VRK1: variants seen among roughly 807,000 people sequenced by gnomAD.
VRK1 encodes the protein VRK serine/threonine kinase 1.
Under a neutral mutation model 57.1 loss-of-function variants are expected in VRK1, and 33 were observed. That is an observed-to-expected ratio of 0.58 (90% CI 0.44 to 0.77). VRK1 has a LOEUF of 0.77. Among genes scored for constraint, VRK1 ranks in the 30% least tolerant of loss-of-function variants. VRK1 has a pLI of 0.00. For synonymous variants in VRK1, 137 were observed against 147.8 expected (o/e 0.93, Z 0.53); for missense variants, 413 against 477.3 (o/e 0.87, Z 1.25).
At chr14:96,846,061 T>C in intron 3 of VRK1, 34 bp from the exon 4 acceptor site, 1 of 1,557,250 alleles carries the variant, frequency 6.4e-7, no homozygotes, top group Non-Finnish European at 8.9e-7. Flanking sequence ...TAATTTTAAC[T>C]ACTGCTAGTA....
At chr14:96,838,842 C>T (rs1887331813) in intron 3 of VRK1, among the ~76,000 whole-genome samples, 1 of 152,106 alleles carries the variant, frequency 6.6e-6, no homozygotes, top group Non-Finnish European at 1.5e-5. Context: ...AGTTAGGAGT[C>T]AGCTTTTTTG....
At chr14:96,879,559 C>T (rs1889170594) in intron 12 of VRK1, among the ~76,000 whole-genome samples, 1 of 152,036 alleles carries the variant, frequency 6.6e-6, no homozygotes, top group Non-Finnish European at 1.5e-5. Flanking sequence ...GATTATTGAC[C>T]TTGATTTTGT....
chr14:96,849,937 T>C (rs1887883873), intron 5 of VRK1, among the ~76,000 whole-genome samples: 1 of 152,198 alleles, frequency 6.6e-6, no homozygotes, highest in Non-Finnish European at 1.5e-5. Flanking sequence ...AGGTTGACTC[T>C]GTAAGCTGAC....
chr14:96,879,585 A>G (rs1889171084), intron 12 of VRK1, among the ~76,000 whole-genome samples: 1 of 152,178 alleles, frequency 6.6e-6, no homozygotes, highest in Non-Finnish European at 1.5e-5. Context: ...CCTTTATGCC[A>G]GTCTCACTAT....
chr14:96,814,498 A>G (rs879390017), intron 1 of VRK1, among the ~76,000 whole-genome samples: 2 of 152,182 alleles, frequency 1.3e-5, no homozygotes, highest in Admixed American at 1.3e-4. Flanking sequence ...CTTAAAAAAT[A>G]CCTCAATTGA....
intron 1 of VRK1, among the ~76,000 whole-genome samples, chr14:96,815,003 C>T (rs747158548): frequency 4.0e-4 from 61 of 152,262 alleles, no homozygotes; most frequent in Admixed American, 2.0e-3. Flanking sequence ...GTATATTTGA[C>T]AGTACGTGAG....
At chr14:96,819,168 TC>T (rs1163157227) in intron 1 of VRK1, among the ~76,000 whole-genome samples, 1 of 152,210 alleles carries the variant, frequency 6.6e-6, no homozygotes, top group Non-Finnish European at 1.5e-5. Flanking sequence ...TACTTCTTAA[TC>T]CCAAATAAGT....
At position 96,881,480 on chromosome 14, in the gene VRK1, AATT is replaced by A; in HGVS notation, c.*278_*280del. 3.0e-6 allele frequency: 1 copy of A among 334,616 alleles called. No homozygotes were observed. Among genetic ancestry groups the A allele is most frequent in the Admixed American group, 4.4e-5 (1 of 22,708 alleles). 20.7% of individuals were successfully genotyped at this position (334,616 alleles called of 1,614,324 possible). ...ATGTTTTGGAGTACATATATATGAA[AATT>A]ATTATGACACGCACTTTTCTAATCA... is the stretch of plus-strand genomic sequence containing the variant. On this transcript the variant is annotated 3_prime_UTR_variant, in exon 13 of 13. Transcript: ENST00000216639.
At chr14:96,802,358 A>C (rs1312064961) in intron 1 of VRK1, among the ~76,000 whole-genome samples, 1 of 152,206 alleles carries the variant, frequency 6.6e-6, no homozygotes, top group Admixed American at 6.5e-5. Context: ...AACAACTCAC[A>C]TGTCCTTCAG....
At position 96,807,978 on chromosome 14, in the gene VRK1, T is replaced by TCTCTCTCC. The variant is rs200176789; in HGVS notation, c.-6+10555_-6+10562dup. ...CTGTCTCTCCCTCCCTCTCTCTCTGTCTCTCTCCCTCTCTCCCTCTCTCCC... is the reference window on the plus strand; with the variant it reads ...CTGTCTCTCCCTCCCTCTCTCTCTGTCTCTCTCCCTCTCTCCCTCTCTCCCTCTCTCCC... On this transcript the variant is annotated intron_variant, in intron 1 of 12. Transcript: ENST00000216639. 3.6e-4 allele frequency among the ~76,000 whole-genome samples: 28 copies of TCTCTCTCC among 77,942 alleles called. 1 individual carries two copies. The South Asian group carries it at 0.01, about 28-fold the overall frequency. The allele number at this position is 77,942 out of a possible 152,430, so 51.1% of individuals were successfully genotyped here.
chr14:96,805,113 T>C (rs539228573), intron 1 of VRK1, among the ~76,000 whole-genome samples: 1 of 152,298 alleles, frequency 6.6e-6, no homozygotes, highest in Non-Finnish European at 1.5e-5. Context: ...TCAGATTTAT[T>C]TATCATGGCA....
At position 96,881,330 on chromosome 14, in the gene VRK1, A is replaced by G. The variant is rs1265417098; in HGVS notation, c.*122A>G. On this transcript the variant is annotated 3_prime_UTR_variant, in exon 13 of 13. Transcript: ENST00000216639. ...AGGTGGAAGTAATGATTAAATACTC[A>G]TGTGTTCAGAAAACATAAACTTTTT... is the stretch of plus-strand genomic sequence containing the variant. The G allele has an allele frequency of 4.9e-6, 4 of 820,064 alleles. No individual in the cohort carries two copies. The highest frequency in any genetic ancestry group is 7.7e-6 in the Non-Finnish European group (4 of 518,988). The allele number at this position is 820,064 out of a possible 1,614,324, so 50.8% of individuals were successfully genotyped here.
chr14:96,806,902 C>T (rs971109761), intron 1 of VRK1, among the ~76,000 whole-genome samples: 2 of 147,304 alleles, frequency 1.4e-5, no homozygotes, highest in East Asian at 2.2e-4. Context: ...TCATAGCTCA[C>T]TGCCACCTTG....
At chr14:96,830,218 T>C (rs575985462) in intron 1 of VRK1, among the ~76,000 whole-genome samples, 3 of 152,302 alleles carry the variant, frequency 2.0e-5, no homozygotes, top group South Asian at 2.1e-4. Flanking sequence ...GTATGTGATA[T>C]GACCTTTCAA....
intron 1 of VRK1, among the ~76,000 whole-genome samples, chr14:96,832,013 C>G (rs1317932845): frequency 6.6e-6 from 1 of 151,924 alleles, no homozygotes; most frequent in East Asian, 1.9e-4. Context: ...AACTAATTGA[C>G]ATGAAGAAAT....
At chr14:96,824,926 T>C (rs1886744875) in intron 1 of VRK1, among the ~76,000 whole-genome samples, 1 of 152,182 alleles carries the variant, frequency 6.6e-6, no homozygotes, top group Admixed American at 6.5e-5. Flanking sequence ...GTGCTGAGAT[T>C]ACAGGTGTGA....
intron 1 of VRK1, among the ~76,000 whole-genome samples, chr14:96,825,396 C>T (rs1444641444): frequency 6.6e-6 from 1 of 152,086 alleles, no homozygotes; most frequent in African/African-American, 2.4e-5. Context: ...TTGTCCTTTG[C>T]AGTTGGGTGA....
chr14:96,798,289 A>C (rs1203268682), intron 1 of VRK1, among the ~76,000 whole-genome samples: 9 of 152,184 alleles, frequency 5.9e-5, no homozygotes, highest in African/African-American at 1.7e-4. Context: ...CTACCACCGA[A>C]ATAGTATTGT....
At chr14:96,847,116 A>G (rs1887731983) in intron 4 of VRK1, 141 bp from the exon 5 acceptor site, 1 of 661,592 alleles carries the variant, frequency 1.5e-6, no homozygotes, top group Non-Finnish European at 2.6e-6. Flanking sequence ...TATTCGTTAT[A>G]CTGTATTCTT....
Sources: allele counts gnomAD v4.1 joint callset (sites outside exome capture counted in the v4.1 genomes callset), GRCh38; gene constraint gnomAD v4.1.1; transcripts MANE v1.5; gene names NCBI Gene and HGNC (gene_info 2026-07-23, HGNC 2026-07-21).